The following RPS6KA2 variants were observed in gnomAD, a reference collection of about 807,000 sequenced individuals.
RPS6KA2 encodes ribosomal protein S6 kinase alpha-2.
In RPS6KA2, 42 loss-of-function variants were observed where a neutral mutation model predicts 91.8. The ratio of observed to expected loss-of-function variants is 0.46; its 90% confidence interval spans 0.36 to 0.59. The LOEUF (loss-of-function observed/expected upper bound fraction) is 0.59. Ranked by LOEUF, RPS6KA2 falls within the 20% of genes least tolerant of loss-of-function variation. The pLI is 0.00. For missense variants in RPS6KA2, 798 were observed against 978.5 expected, an observed-to-expected ratio of 0.82 and a Z score of 2.46; for synonymous variants, 414 against 393.6, an observed-to-expected ratio of 1.05 and a Z score of -0.61.
At chr6:166,528,891 G>C (rs1014793446) in intron 3 of RPS6KA2, among the ~76,000 whole-genome samples, 6 of 152,198 alleles carry the variant, frequency 3.9e-5, no homozygotes, top group African/African-American at 1.4e-4. Context: ...ACAGCAGTTA[G>C]AATGGTGATC....
rs370243797 is a variant in RPS6KA2, at chr6:166,752,197, C to T, written c.123+106003G>A. On this transcript the variant is annotated intron_variant, in intron 2 of 21. Coordinates refer to the RPS6KA2 transcript ENST00000503859. The stretch of plus-strand genomic sequence containing the variant: ...ATAACCTGTGATCTTCCAGATGGGC[C>T]GGCCTAGCCAATGGGCGGTATAGCC... Among the ~76,000 whole-genome samples the T allele has an allele frequency of 8.5e-5, 13 of 152,336 alleles. No homozygotes were observed. In the East Asian group the frequency reaches 1.7e-3, roughly 20 times the overall value.
intron 2 of RPS6KA2, among the ~76,000 whole-genome samples, chr6:166,824,366 C>G (rs1779981329): frequency 6.6e-6 from 1 of 152,214 alleles, no homozygotes; most frequent in African/African-American, 2.4e-5. Flanking sequence ...AGCCTGTCCC[C>G]CTGGTGCCCG....
chr6:166,563,409 C>CA lies in RPS6KA2; in HGVS notation c.100-24626_100-24625insT, dbSNP rs1432556922. ...CTGGGCTCGCCGCCAGCGGTGGGATCCCTCTTCCTGCACAGAACCGCCTCT... is the reference window on the plus strand; with the variant it reads ...CTGGGCTCGCCGCCAGCGGTGGGATCACCTCTTCCTGCACAGAACCGCCTCT... On this transcript the variant is annotated intron_variant, in intron 1 of 20. Coordinates refer to ENST00000265678, the MANE Select transcript of RPS6KA2 (RefSeq NM_021135.6). The surrounding 1 kb of genome is among the most constrained non-coding windows in gnomAD (Gnocchi z 4.1). 2.6e-5 allele frequency among the ~76,000 whole-genome samples: 4 copies of CA among 152,224 alleles called. No homozygotes were observed. Among genetic ancestry groups the CA allele is most frequent in the African/African-American group, 9.6e-5 (4 of 41,456 alleles).
chr6:166,507,390 C>A (rs7753112), intron 5 of RPS6KA2, among the ~76,000 whole-genome samples: 6,993 of 146,540 alleles, frequency 0.048, 288 homozygotes, highest in Admixed American at 0.11. Flanking sequence ...ACACACACAC[C>A]CACCCCACAT....
chr6:166,741,266 C>T (rs190510605), intron 2 of RPS6KA2, among the ~76,000 whole-genome samples: 2 of 152,248 alleles, frequency 1.3e-5, no homozygotes, highest in Non-Finnish European at 2.9e-5. Flanking sequence ...GGAATTCAAG[C>T]CAGTGGATGG....
chr6:166,507,390 C>CACACACA (rs563166079), intron 5 of RPS6KA2, among the ~76,000 whole-genome samples: 31 of 146,624 alleles, frequency 2.1e-4, no homozygotes, highest in Middle Eastern at 3.6e-3. Flanking sequence ...ACACACACAC[C>CACACACA]CACCCCACAT....
intron 3 of RPS6KA2, among the ~76,000 whole-genome samples, chr6:166,517,320 C>T (rs1043941213): frequency 5.3e-5 from 8 of 152,092 alleles, no homozygotes; most frequent in Non-Finnish European, 8.8e-5. Context: ...TGGGAACAGG[C>T]CCCCAAATCT....
chr6:166,517,763 C>G (rs1006412729), intron 3 of RPS6KA2, among the ~76,000 whole-genome samples: 7 of 152,132 alleles, frequency 4.6e-5, no homozygotes, highest in Non-Finnish European at 1.0e-4. Flanking sequence ...GCGTGAGCCA[C>G]CGCGCCCGGC....
intron 1 of RPS6KA2, among the ~76,000 whole-genome samples, chr6:166,599,034 C>A (rs1785639635): frequency 6.6e-6 from 1 of 152,210 alleles, no homozygotes; most frequent in Non-Finnish European, 1.5e-5. Context: ...TGATCAAAAT[C>A]TCTCCAGATA....
At chr6:166,715,682 G>GCA (rs1044362916) in intron 2 of RPS6KA2, among the ~76,000 whole-genome samples, 1 of 152,182 alleles carries the variant, frequency 6.6e-6, no homozygotes, top group African/African-American at 2.4e-5. Context: ...GCCGGAGCCT[G>GCA]CACACACACG....
chr6:166,626,558 C>T lies in RPS6KA2; in HGVS notation c.99+363G>A, dbSNP rs1421769828. Among the ~76,000 whole-genome samples the T allele has an allele frequency of 4.6e-5, 7 of 152,274 alleles. No individual in the cohort carries two copies. In the East Asian group the frequency reaches 1.4e-3, roughly 30 times the overall value. On this transcript the variant is annotated intron_variant, in intron 1 of 20. Transcript: ENST00000265678. The surrounding 1 kb of genome is among the most constrained non-coding windows in gnomAD (Gnocchi z 4.1). Reference sequence around the variant, plus strand: ...TCTCCACTCGGGACTTTGAGGGACCCCCGCGGAGCGCTCCGCGCCACTCGG... The same window carrying T: ...TCTCCACTCGGGACTTTGAGGGACCTCCGCGGAGCGCTCCGCGCCACTCGG...
chr6:166,765,777 A>C (rs78302033), intron 2 of RPS6KA2, among the ~76,000 whole-genome samples: 2,828 of 152,288 alleles, frequency 0.019, 89 homozygotes, highest in African/African-American at 0.064. Context: ...TTTAGGCTTC[A>C]TCTCCTCATC....
At position 166,464,199 on chromosome 6, in the gene RPS6KA2, C is replaced by T. The variant is rs148183277; in HGVS notation, c.973-4648G>A. Among the ~76,000 whole-genome samples, 645 of 152,216 alleles carry T rather than the reference C, an allele frequency of 4.2e-3. 1 individual carries two copies. Among genetic ancestry groups the T allele is most frequent in the Non-Finnish European group, 6.7e-3 (453 of 67,996 alleles). ...AGAAGACCAAAGTGGCCTGAAGACC[C>T]GGAACCCACCCTCTGCTCCTGCCAG... is the stretch of plus-strand genomic sequence containing the variant. On this transcript the variant is annotated intron_variant, in intron 11 of 20. Coordinates refer to ENST00000265678, the MANE Select transcript of RPS6KA2 (RefSeq NM_021135.6).
chr6:166,534,892 A>G (rs1470404720), intron 2 of RPS6KA2, among the ~76,000 whole-genome samples: 1 of 152,250 alleles, frequency 6.6e-6, no homozygotes, highest in African/African-American at 2.4e-5. Context: ...TGAGACGAGC[A>G]GCAAAATACA....
intron 14 of RPS6KA2, among the ~76,000 whole-genome samples, chr6:166,444,118 T>A (rs1779603037): frequency 6.6e-6 from 1 of 152,190 alleles, no homozygotes; most frequent in Non-Finnish European, 1.5e-5. Context: ...GTCCTAAGAA[T>A]AAAATAAAAA....
intron 2 of RPS6KA2, among the ~76,000 whole-genome samples, chr6:166,745,876 C>T (rs895066766): frequency 6.6e-6 from 1 of 152,140 alleles, no homozygotes; most frequent in African/African-American, 2.4e-5. Flanking sequence ...CAACTGGTGA[C>T]TCAAAAAATA....
intron 1 of RPS6KA2, among the ~76,000 whole-genome samples, chr6:166,578,103 G>A (rs1030744773): frequency 1.3e-5 from 2 of 152,156 alleles, no homozygotes; most frequent in African/African-American, 2.4e-5. Context: ...GGAACTGTAA[G>A]TCCAATTAAA....
chr6:166,648,534 A>T lies in RPS6KA2; in HGVS notation c.124-109750T>A, dbSNP rs1040011778. Among the ~76,000 whole-genome samples, 4 of 152,158 alleles carry T rather than the reference A, an allele frequency of 2.6e-5. No individual in the cohort carries two copies. Among genetic ancestry groups the T allele is most frequent in the Non-Finnish European group, 5.9e-5 (4 of 68,028 alleles). On this transcript the variant is annotated intron_variant, in intron 2 of 21. Coordinates refer to the RPS6KA2 transcript ENST00000503859. The surrounding 1 kb of genome is among the most constrained non-coding windows in gnomAD (Gnocchi z 4.8). ...ACGGGAAGGGGACGGGCATTTAATA[A>T]ATGTTTCTGGATTGAACACGTGAGT...
intron 1 of RPS6KA2, among the ~76,000 whole-genome samples, chr6:166,621,815 CTGGT>C (rs1367047335): frequency 1.3e-5 from 2 of 152,218 alleles, no homozygotes; most frequent in African/African-American, 4.8e-5. Context: ...GCACACATCT[CTGGT>C]TGACCCGAAC....
Sources: gnomAD v4.1 joint callset for allele counts (sites outside exome capture counted in the v4.1 genomes callset) on GRCh38, gnomAD v4.1.1 for gene constraint, Gnocchi (gnomAD v3.1) non-coding constraint, MANE v1.5 for transcripts, NCBI Gene and HGNC (gene_info 2026-07-23, HGNC 2026-07-21) for gene names.